KIF26B: variants seen among roughly 807,000 people sequenced by gnomAD.
KIF26B encodes the protein kinesin family member 26B.
A neutral mutation model predicts 151.2 loss-of-function variants in KIF26B; 63 were observed. That is an observed-to-expected ratio of 0.42 (90% CI 0.34 to 0.51). KIF26B has a LOEUF of 0.51. Ranked by LOEUF, KIF26B falls within the 20% of genes least tolerant of loss-of-function variation. KIF26B has a pLI of 0.07. For missense variants in KIF26B, 2,813 were observed against 2,913.6 expected (o/e 0.97, Z 0.79); for synonymous variants, 1,357 against 1,262.1 (o/e 1.08, Z -1.59).
chr1:245,348,354 G>C (rs985503719), intron 2 of KIF26B, among the ~76,000 whole-genome samples: 1 of 152,116 alleles, frequency 6.6e-6, no homozygotes, highest in African/African-American at 2.4e-5. Flanking sequence ...CTGAACTTGA[G>C]ACTGTTGGTC....
At chr1:245,294,912 C>T (rs1239250251) in intron 2 of KIF26B, among the ~76,000 whole-genome samples, 2 of 152,196 alleles carry the variant, frequency 1.3e-5, no homozygotes, top group Non-Finnish European at 2.9e-5. Context: ...ATCCACCTGC[C>T]TCGGCCTCCC....
chr1:245,626,025 G>A (rs970926407), intron 9 of KIF26B, among the ~76,000 whole-genome samples: 1 of 152,202 alleles, frequency 6.6e-6, no homozygotes, highest in Middle Eastern at 3.4e-3. Context: ...TGTATATAGA[G>A]CACATTTTGC....
chr1:245,550,211 A>C (rs1661845423), intron 5 of KIF26B, among the ~76,000 whole-genome samples: 1 of 152,214 alleles, frequency 6.6e-6, no homozygotes, highest in Non-Finnish European at 1.5e-5. Flanking sequence ...AGCTCATTTG[A>C]GATCTGTTAA....
At chr1:245,635,848 G>T (rs1578416) in intron 9 of KIF26B, among the ~76,000 whole-genome samples, 1 of 151,912 alleles carries the variant, frequency 6.6e-6, no homozygotes, top group African/African-American at 2.4e-5. Context: ...CACTTAAAAA[G>T]ACTTTAAAAT....
chr1:245,688,009 C>A lies in KIF26B; in HGVS notation c.5026C>A (p.His1676Asn), dbSNP rs747255308. Reference sequence around the variant, plus strand: ...CTCGCTGGGCAGGGCGACAGTCAGCCACTACGAATGCCTCTCCCTGGAGCG... The same window carrying A: ...CTCGCTGGGCAGGGCGACAGTCAGCAACTACGAATGCCTCTCCCTGGAGCG... The part of the protein sequence containing the change: ...SNSLGRATVS[H>N]YECLSLERAE... Residue 1676 changes from histidine to asparagine, a missense_variant, in exon 12 of 15, where the codon CAC becomes AAC. Coordinates refer to ENST00000407071, the MANE Select transcript of KIF26B (RefSeq NM_018012.4). 36 of 1,564,116 alleles carry A rather than the reference C, an allele frequency of 2.3e-5. No homozygotes were observed. The highest frequency in any genetic ancestry group is 3.0e-5 in the Non-Finnish European group (35 of 1,155,666).
chr1:245,175,205 C>T (rs1221293567), intron 2 of KIF26B, among the ~76,000 whole-genome samples: 1 of 152,040 alleles, frequency 6.6e-6, no homozygotes, highest in Non-Finnish European at 1.5e-5. Flanking sequence ...GCATAGTGAC[C>T]CAGAGGTGAA....
chr1:245,362,490 A>T (rs1672847047), intron 2 of KIF26B, among the ~76,000 whole-genome samples: 1 of 151,424 alleles, frequency 6.6e-6, no homozygotes, highest in African/African-American at 2.4e-5. Context: ...GTGAGCCGAG[A>T]TCGCACCACT....
intron 4 of KIF26B, among the ~76,000 whole-genome samples, chr1:245,481,156 C>T (rs976405011): frequency 7.2e-5 from 11 of 151,852 alleles, no homozygotes; most frequent in Admixed American, 6.6e-4. Context: ...AAAGAAGCAT[C>T]TGCTTCAAAC....
At chr1:245,308,772 G>A (rs962477785) in intron 2 of KIF26B, among the ~76,000 whole-genome samples, 2 of 152,116 alleles carry the variant, frequency 1.3e-5, no homozygotes, top group East Asian at 3.9e-4. Context: ...AATGGAACAA[G>A]AAAGAATCAT....
chr1:245,552,450 A>G (rs1661911315), intron 5 of KIF26B, among the ~76,000 whole-genome samples: 1 of 151,988 alleles, frequency 6.6e-6, no homozygotes, highest in Admixed American at 6.6e-5. Context: ...CCACAGAAAT[A>G]TGACCAAATA....
chr1:245,595,974 C>T (rs996137207), intron 5 of KIF26B, among the ~76,000 whole-genome samples: 13 of 151,960 alleles, frequency 8.6e-5, no homozygotes, highest in African/African-American at 1.2e-4. Context: ...TATTCTCTGA[C>T]GGTAGTTTGT....
intron 10 of KIF26B, among the ~76,000 whole-genome samples, chr1:245,649,739 T>C (rs1211147547): frequency 7.0e-6 from 1 of 142,478 alleles, no homozygotes; most frequent in Non-Finnish European, 1.5e-5. Flanking sequence ...CCCAGACAAC[T>C]CTGTACTTGG....
chr1:245,690,749 G>C (rs185864560), intron 12 of KIF26B, among the ~76,000 whole-genome samples: 1 of 151,380 alleles, frequency 6.6e-6, no homozygotes, highest in African/African-American at 2.4e-5. Context: ...CTGGGGGGGG[G>C]GTATGCTTCA....
At chr1:245,202,759 CAAAAA>C (rs56170851) in intron 2 of KIF26B, among the ~76,000 whole-genome samples, 1 of 45,160 alleles carries the variant, frequency 2.2e-5, no homozygotes, top group African/African-American at 8.6e-5. Flanking sequence ...GACTCCATCT[CAAAAA>C]AAAAAAAAAA....
At chr1:245,390,942 A>AAAAAAAAAC (rs1553270132) in intron 3 of KIF26B, among the ~76,000 whole-genome samples, 1 of 145,268 alleles carries the variant, frequency 6.9e-6, no homozygotes, top group African/African-American at 2.6e-5. Flanking sequence ...AAAAAAAAAA[A>AAAAAAAAAC]AAAAAAAAAA....
chr1:245,674,042 G>A (rs1198172446), intron 10 of KIF26B: 4 of 152,218 alleles, frequency 2.6e-5, no homozygotes, highest in African/African-American at 9.6e-5. Context: ...CTGGCACTGT[G>A]ATTAGCACAT....
At chr1:245,436,065 G>A (rs963933303) in intron 4 of KIF26B, among the ~76,000 whole-genome samples, 5 of 151,730 alleles carry the variant, frequency 3.3e-5, no homozygotes, top group African/African-American at 7.3e-5. Flanking sequence ...GAATCCGAGC[G>A]ACTTGGGAGG....
chr1:245,613,389 G>T (rs1326432889), intron 9 of KIF26B, among the ~76,000 whole-genome samples: 1 of 152,156 alleles, frequency 6.6e-6, no homozygotes, highest in Non-Finnish European at 1.5e-5. Context: ...GATCACTTGA[G>T]GTCAGCAGTT....
At chr1:245,677,774 CAAATA>C (rs1168307245) in intron 10 of KIF26B, among the ~76,000 whole-genome samples, 1 of 152,212 alleles carries the variant, frequency 6.6e-6, no homozygotes, top group Non-Finnish European at 1.5e-5. Flanking sequence ...TAAGTAAACT[CAAATA>C]AAATAAAAAT....
Sources: allele counts gnomAD v4.1 joint callset (sites outside exome capture counted in the v4.1 genomes callset), GRCh38; gene constraint gnomAD v4.1.1; transcripts MANE v1.5; gene names NCBI Gene and HGNC (gene_info 2026-07-23, HGNC 2026-07-21).